Variants in SOX6 observed in about 807,000 individuals in gnomAD.
SOX6 encodes the protein transcription factor SOX-6.
Under a neutral mutation model 97.8 loss-of-function variants are expected in SOX6, and 11 were observed. The observed-to-expected ratio is 0.11, with a 90% confidence interval of 0.07 to 0.19. The LOEUF is 0.19. Ranked by LOEUF, SOX6 falls within the 10% of genes least tolerant of loss-of-function variation. The pLI, the probability that SOX6 is intolerant of heterozygous loss-of-function variation, is 1.00. For synonymous variants in SOX6, 360 were observed against 371.4 expected, an observed-to-expected ratio of 0.97 and a Z score of 0.35; for missense variants, 810 against 1,039.5, an observed-to-expected ratio of 0.78 and a Z score of 3.04.
chr11:16,738,011 C>T (rs906058909), intron 1 of SOX6, among the ~76,000 whole-genome samples: 7 of 151,940 alleles, frequency 4.6e-5, no homozygotes, highest in Non-Finnish European at 8.8e-5. Flanking sequence ...CAGTGAGGAG[C>T]ACTCCCACCT....
chr11:16,533,607 T>C (rs1861266344), intron 4 of SOX6, among the ~76,000 whole-genome samples: 1 of 152,002 alleles, frequency 6.6e-6, no homozygotes. Context: ...TCATTGAAAA[T>C]ATGAAATTTT....
At chr11:16,624,475 C>T (rs1848595456) in intron 3 of SOX6, among the ~76,000 whole-genome samples, 1 of 152,080 alleles carries the variant, frequency 6.6e-6, no homozygotes, top group South Asian at 2.1e-4. Context: ...CGTGCCCGGC[C>T]CATTTTTAAT....
intron 10 of SOX6, among the ~76,000 whole-genome samples, chr11:16,053,214 T>C (rs1847727449): frequency 6.6e-6 from 1 of 152,170 alleles, no homozygotes; most frequent in South Asian, 2.1e-4. Context: ...GCCTCACTTG[T>C]TTCTCTTCTC....
intron 6 of SOX6, among the ~76,000 whole-genome samples, chr11:16,117,668 A>G (rs1193252567): frequency 6.6e-6 from 1 of 152,190 alleles, no homozygotes; most frequent in South Asian, 2.1e-4. Context: ...TTTTCCTTTT[A>G]TGGAAGTTGT....
intron 15 of SOX6, among the ~76,000 whole-genome samples, chr11:15,978,451 C>T (rs1037871960): frequency 1.3e-5 from 2 of 151,812 alleles, no homozygotes; most frequent in African/African-American, 4.8e-5. Context: ...TTTCTCCTTG[C>T]TGAAACATTT....
At chr11:16,551,739 G>A (rs1028927657) in intron 4 of SOX6, among the ~76,000 whole-genome samples, 2 of 152,020 alleles carry the variant, frequency 1.3e-5, no homozygotes, top group East Asian at 3.9e-4. Context: ...GAGTAGCTGG[G>A]ATTATAAGCA....
rs990515312 is a variant in SOX6 at position 15,970,869 on chromosome 11, T to C, written c.*1940A>G. On this transcript the variant is annotated 3_prime_UTR_variant, in exon 16 of 16. Coordinates refer to ENST00000683767, the MANE Select transcript of SOX6 (RefSeq NM_001367873.1). ...TTCTGGGTTGTCCCATGAGGTGAACTATCCCATTCACTGACATTCTCCCAC... is the reference window on the plus strand; with the variant it reads ...TTCTGGGTTGTCCCATGAGGTGAACCATCCCATTCACTGACATTCTCCCAC... 5 of 152,654 alleles carry C rather than the reference T, an allele frequency of 3.3e-5. No homozygotes were observed. The highest frequency in any genetic ancestry group is 1.5e-5 in the Non-Finnish European group (1 of 68,050). 9.5% of individuals were successfully genotyped at this position (152,654 alleles called of 1,614,324 possible).
intron 1 of SOX6, among the ~76,000 whole-genome samples, chr11:16,394,954 T>C (rs1178199446): frequency 6.6e-6 from 1 of 151,900 alleles, no homozygotes; most frequent in Non-Finnish European, 1.5e-5. Flanking sequence ...AAATGTTTTA[T>C]AGCTAGATAT....
chr11:16,512,782 A>G (rs1192396146), intron 4 of SOX6, among the ~76,000 whole-genome samples: 1 of 152,230 alleles, frequency 6.6e-6, no homozygotes, highest in Non-Finnish European at 1.5e-5. Context: ...CTGCTTGATC[A>G]TGAATGTAAA....
upstream of SOX6, among the ~76,000 whole-genome samples, chr11:16,359,595 C>T (rs370709025): frequency 6.6e-6 from 1 of 152,086 alleles, no homozygotes; most frequent in Non-Finnish European, 1.5e-5. Context: ...TGGTGTTCTG[C>T]TCGACATGTG....
intron 6 of SOX6, among the ~76,000 whole-genome samples, chr11:16,163,708 C>T (rs1046376748): frequency 2.6e-5 from 4 of 152,190 alleles, no homozygotes; most frequent in African/African-American, 9.7e-5. Flanking sequence ...TCTTCTGGGG[C>T]CTTGACGCTA....
At chr11:16,294,372 A>C (rs1855006111) in intron 3 of SOX6, among the ~76,000 whole-genome samples, 1 of 152,112 alleles carries the variant, frequency 6.6e-6, no homozygotes, top group Admixed American at 6.6e-5. Context: ...GTAAGTAGCA[A>C]CTTTCAATGC....
At chr11:16,116,447 T>C (rs1849349829) in intron 6 of SOX6, among the ~76,000 whole-genome samples, 1 of 152,072 alleles carries the variant, frequency 6.6e-6, no homozygotes, top group Middle Eastern at 3.4e-3. Flanking sequence ...TAATATCATA[T>C]TACATTAAGC....
rs532613756 is a variant in SOX6 at position 16,605,293 on chromosome 11, A to G, written n.609+6788T>C. 1.3e-5 allele frequency among the ~76,000 whole-genome samples: 2 copies of G among 152,170 alleles called. No individual in the cohort carries two copies. Among genetic ancestry groups the G allele is most frequent in the South Asian group, 4.2e-4 (2 of 4,816 alleles). ...CGCTCGGCCGGGTGACTCCCTGGCG[A>G]AGTCCGCGCCCGGCGGGGCTGAACT... On this transcript the variant is annotated intron_variant and non_coding_transcript_variant, in intron 4 of 5. Coordinates refer to the SOX6 transcript ENST00000524520. The surrounding 1 kb of genome is among the most constrained non-coding windows in gnomAD (Gnocchi z 5.3).
chr11:16,718,585 A>G (rs956056117), intron 2 of SOX6, among the ~76,000 whole-genome samples: 1 of 152,336 alleles, frequency 6.6e-6, no homozygotes, highest in South Asian at 2.1e-4. Context: ...ATCCTGGTTC[A>G]GAAATAAATT....
In SOX6 at chr11:15,972,731, A is replaced by G. The variant is rs1331934214; in HGVS notation, c.*78T>C. The G allele has an allele frequency of 1.4e-6, 2 of 1,463,204 alleles. No homozygotes were observed. The highest frequency in any genetic ancestry group is 1.9e-6 in the Non-Finnish European group (2 of 1,045,124). 90.6% of individuals were successfully genotyped at this position (1,463,204 alleles called of 1,614,324 possible). On this transcript the variant is annotated 3_prime_UTR_variant, in exon 16 of 16. Transcript: ENST00000683767. ...GATGTAATTGTGGAGCCACAAATGC[A>G]TGCGGGCTCTTTAATAACTCTTTGT...
At chr11:16,343,902 A>G (rs1183935966) in intron 1 of SOX6, among the ~76,000 whole-genome samples, 1 of 151,882 alleles carries the variant, frequency 6.6e-6, no homozygotes, top group African/African-American at 2.4e-5. Context: ...CAAATAAAAC[A>G]CAAGCTGCCA....
chr11:16,404,634 A>C (rs1393029775), intron 1 of SOX6, among the ~76,000 whole-genome samples: 2 of 151,968 alleles, frequency 1.3e-5, no homozygotes, highest in Non-Finnish European at 1.5e-5. Context: ...AAGAAGAAAC[A>C]CATGAAAATT....
chr11:16,240,020 T>C (rs1362577033), intron 3 of SOX6, among the ~76,000 whole-genome samples: 1 of 152,088 alleles, frequency 6.6e-6, no homozygotes, highest in Non-Finnish European at 1.5e-5. Flanking sequence ...ATGCAATCTG[T>C]TTCCTTTGTT....
Sources: gnomAD v4.1 joint callset for allele counts (sites outside exome capture counted in the v4.1 genomes callset) on GRCh38, gnomAD v4.1.1 for gene constraint, Gnocchi (gnomAD v3.1) non-coding constraint, MANE v1.5 for transcripts, NCBI Gene and HGNC (gene_info 2026-07-23, HGNC 2026-07-21) for gene names.